The following SLC4A4 variants were observed in gnomAD, a reference collection of about 807,000 sequenced individuals.
The protein encoded by SLC4A4 is solute carrier family 4 member 4.
Under a neutral mutation model 111.5 loss-of-function variants are expected in SLC4A4, and 27 were observed. The ratio of observed to expected loss-of-function variants is 0.24; its 90% CI spans 0.18 to 0.33. The LOEUF (loss-of-function observed/expected upper bound fraction) is 0.33. Ranked by LOEUF, SLC4A4 falls within the 10% of genes least tolerant of loss-of-function variation. SLC4A4 has a pLI of 1.00. For synonymous variants in SLC4A4, 443 were observed against 463.4 expected, an observed-to-expected ratio of 0.96 and a Z score of 0.57; for missense variants, 909 against 1,315.5, an observed-to-expected ratio of 0.69 and a Z score of 4.78.
At chr4:71,137,621 C>A (rs1743881032) in intron 2 of SLC4A4, among the ~76,000 whole-genome samples, 1 of 152,278 alleles carries the variant, frequency 6.6e-6, no homozygotes, top group East Asian at 1.9e-4. Flanking sequence ...TTGCTTTCTG[C>A]AAATTTCATG....
rs148348079 is a variant in SLC4A4 at position 71,092,896 on chromosome 4, A to G, written c.-2+104A>G. 5.3e-3 allele frequency among the ~76,000 whole-genome samples: 802 copies of G among 152,216 alleles called. 8 individuals are homozygous for G. Among genetic ancestry groups the G allele is most frequent in the African/African-American group, 0.018 (760 of 41,544 alleles). On this transcript the variant is annotated intron_variant, in intron 2 of 26. Transcript: ENST00000649996. ...CAGATCACAAGGTCAAGAGATCACG[A>G]CCACCCTGGCCAACATGGTGAAACC...
chr4:71,169,637 C>G lies in SLC4A4; in HGVS notation c.-1-66939C>G, dbSNP rs569709997. Among the ~76,000 whole-genome samples the G allele has an allele frequency of 3.9e-5, 6 of 152,148 alleles. No individual in the cohort carries two copies. In the South Asian group the frequency reaches 1.3e-3, roughly 32 times the overall value. ...CAAATGGGTAGTTTGCAAATATTTT[C>G]TTCCATTCTGTGGGTTGTCTCTTCA... On this transcript the variant is annotated intron_variant, in intron 2 of 26. Transcript: ENST00000649996.
chr4:71,397,709 G>A, intron 7 of SLC4A4, 56 bp downstream of exon 7: 2 of 1,447,850 alleles, frequency 1.4e-6, no homozygotes, highest in Non-Finnish European at 1.9e-6. Context: ...TCTAAAAGAT[G>A]CTGAGAAAGG....
chr4:71,370,553 T>G (rs1731771641), intron 6 of SLC4A4, among the ~76,000 whole-genome samples: 1 of 152,158 alleles, frequency 6.6e-6, no homozygotes, highest in Admixed American at 6.5e-5. Context: ...TTTGGGCAAA[T>G]TACTCTTTTA....
chr4:71,356,380 T>C (rs1259528806), intron 5 of SLC4A4, among the ~76,000 whole-genome samples: 3 of 152,186 alleles, frequency 2.0e-5, no homozygotes, highest in Non-Finnish European at 4.4e-5. Flanking sequence ...AAATGCCCAA[T>C]GGAAATATAC....
chr4:71,091,696 T>C (rs1013131163), intron 1 of SLC4A4, among the ~76,000 whole-genome samples: 5 of 152,168 alleles, frequency 3.3e-5, no homozygotes, highest in African/African-American at 9.7e-5. Flanking sequence ...ATTTAACTTC[T>C]TTCACAGGGA....
At chr4:71,211,975 C>T (rs753701535) in intron 1 of SLC4A4, among the ~76,000 whole-genome samples, 1 of 151,972 alleles carries the variant, frequency 6.6e-6, no homozygotes, top group East Asian at 1.9e-4. Flanking sequence ...ACCAAATTCA[C>T]GGATGTGATG....
intron 2 of SLC4A4, among the ~76,000 whole-genome samples, chr4:71,126,483 A>G (rs544027910): frequency 2.1e-4 from 32 of 152,344 alleles, no homozygotes; most frequent in Non-Finnish European, 1.3e-4. Context: ...GACAAGATAA[A>G]TGAGACATCC....
intron 21 of SLC4A4, 132 bp from the exon 22 acceptor site, chr4:71,557,580 G>T: frequency 1.2e-6 from 1 of 849,422 alleles, no homozygotes; most frequent in Non-Finnish European, 1.9e-6. Flanking sequence ...TGCATTCCTT[G>T]ACCATTCCTT....
rs575287766 is a variant in SLC4A4, at chr4:71,348,093, G to A, written c.390-1819G>A. 1.3e-4 allele frequency among the ~76,000 whole-genome samples: 20 copies of A among 152,148 alleles called. No individual in the cohort carries two copies. The South Asian group carries it at 3.9e-3, about 30-fold the overall frequency. ...ACAAACATGCTTAGCGATTCTATGA[G>A]CAAGCATGAAAAGATGATATACCTA... On this transcript the variant is annotated intron_variant, in intron 4 of 25. Transcript: ENST00000264485.
intron 6 of SLC4A4, among the ~76,000 whole-genome samples, chr4:71,357,538 T>C (rs1177176326): frequency 6.6e-6 from 1 of 152,208 alleles, no homozygotes; most frequent in African/African-American, 2.4e-5. Context: ...GAATATGTTT[T>C]CCAGCATGTT....
At chr4:71,269,631 A>G (rs1474824764) in intron 3 of SLC4A4, among the ~76,000 whole-genome samples, 3 of 152,232 alleles carry the variant, frequency 2.0e-5, no homozygotes, top group Admixed American at 1.3e-4. Context: ...CTTAAGTGGG[A>G]ACACATAACA....
chr4:71,201,334 T>C (rs1194669857), intron 1 of SLC4A4, among the ~76,000 whole-genome samples: 1 of 152,172 alleles, frequency 6.6e-6, no homozygotes, highest in Admixed American at 6.5e-5. Context: ...TCATGATATA[T>C]GGGCTGCCTC....
At chr4:71,087,156 G>T (rs1394108155) in intron 1 of SLC4A4, among the ~76,000 whole-genome samples, 3 of 152,038 alleles carry the variant, frequency 2.0e-5, no homozygotes, top group Admixed American at 6.6e-5. Context: ...ATCGAGGAAT[G>T]TATCCATTTC....
chr4:71,448,197 G>A (rs1316998498), intron 9 of SLC4A4, among the ~76,000 whole-genome samples: 1 of 151,496 alleles, frequency 6.6e-6, no homozygotes, highest in East Asian at 2.0e-4. Flanking sequence ...GTGCATGCCT[G>A]TAATCCCAGC....
intron 2 of SLC4A4, among the ~76,000 whole-genome samples, chr4:71,120,018 C>T (rs758140996): frequency 6.6e-6 from 1 of 151,998 alleles, no homozygotes; most frequent in Non-Finnish European, 1.5e-5. Flanking sequence ...TATTTGCAAG[C>T]TTGTCTTTTA....
At chr4:71,195,642 T>C (rs1745963462) in intron 1 of SLC4A4, among the ~76,000 whole-genome samples, 1 of 152,268 alleles carries the variant, frequency 6.6e-6, no homozygotes, top group Non-Finnish European at 1.5e-5. Flanking sequence ...AAACTGGCTC[T>C]TTTTAAAACA....
chr4:71,357,254 G>T, intron 6 of SLC4A4, 67 bp downstream of exon 6: 2 of 1,486,610 alleles, frequency 1.3e-6, no homozygotes, highest in Admixed American at 3.3e-5. Flanking sequence ...ACCGTCTCCT[G>T]TCATCTTTGT....
chr4:71,421,736 A>C (rs536007719), intron 7 of SLC4A4, among the ~76,000 whole-genome samples: 1 of 152,210 alleles, frequency 6.6e-6, no homozygotes, highest in Non-Finnish European at 1.5e-5. Context: ...CTGAATGACT[A>C]CTGGGTACAT....
Sources: allele counts gnomAD v4.1 joint callset (sites outside exome capture counted in the v4.1 genomes callset), GRCh38; gene constraint gnomAD v4.1.1; transcripts MANE v1.5; gene names NCBI Gene and HGNC (gene_info 2026-07-23, HGNC 2026-07-21).